RTN1: variants seen among roughly 807,000 people sequenced by gnomAD.
RTN1 encodes reticulon-1.
In RTN1, 25 loss-of-function variants were observed where a neutral mutation model predicts 65.5. The observed-to-expected ratio is 0.38, with a 90% confidence interval of 0.28 to 0.53. RTN1 has a LOEUF of 0.53. Ranked by LOEUF, RTN1 falls within the 20% of genes least tolerant of loss-of-function variation. RTN1 has a pLI of 0.79. For missense variants in RTN1, 983 were observed against 1,025.4 expected (o/e 0.96, Z 0.57); for synonymous variants, 471 against 447.6 (o/e 1.05, Z -0.66).
At position 59,825,781 on chromosome 14, in the gene RTN1, G is replaced by C. The variant is rs1407663494; in HGVS notation, c.241+44609C>G. On this transcript the variant is annotated intron_variant, in intron 1 of 8. Coordinates refer to ENST00000267484, the MANE Select transcript of RTN1 (RefSeq NM_021136.3). The surrounding 1 kb of genome is among the most constrained non-coding windows in gnomAD (Gnocchi z 4.2). ...TTAGAGAAAATAAAACATAGACCTC[G>C]GGTATGCCATAGAAACTAAATGGCA... Among the ~76,000 whole-genome samples, 4 of 152,094 alleles carry C rather than the reference G, an allele frequency of 2.6e-5. No homozygotes were observed. Among genetic ancestry groups the C allele is most frequent in the African/African-American group, 9.7e-5 (4 of 41,400 alleles).
intron 6 of RTN1, 142 bp from the exon 7 acceptor site, chr14:59,603,400 T>C: frequency 1.6e-6 from 1 of 634,296 alleles, no homozygotes; most frequent in Non-Finnish European, 2.6e-6. Context: ...TTCCCTATTT[T>C]GAGAAGCAAT....
At chr14:59,830,110 C>T (rs986812350) in intron 1 of RTN1, among the ~76,000 whole-genome samples, 1 of 152,202 alleles carries the variant, frequency 6.6e-6, no homozygotes, top group African/African-American at 2.4e-5. Context: ...GCCTTCTCCC[C>T]ATTGTTTAGC....
chr14:59,697,850 C>T (rs1884094962), intron 3 of RTN1, among the ~76,000 whole-genome samples: 3 of 152,234 alleles, frequency 2.0e-5, no homozygotes, highest in South Asian at 4.2e-4. Flanking sequence ...GGAAGTCATG[C>T]TCTTGCTGTA....
intron 1 of RTN1, among the ~76,000 whole-genome samples, chr14:59,779,982 T>A (rs1362847866): frequency 6.6e-6 from 1 of 152,178 alleles, no homozygotes; most frequent in African/African-American, 2.4e-5. Context: ...CTTGCTACAC[T>A]AAAGTTCTAC....
At chr14:59,700,668 T>C (rs978490574) in intron 3 of RTN1, among the ~76,000 whole-genome samples, 7 of 152,114 alleles carry the variant, frequency 4.6e-5, no homozygotes, top group African/African-American at 1.7e-4. Context: ...TGGATATCTA[T>C]ATGCAAAAGT....
intron 3 of RTN1, 51 bp downstream of exon 3, chr14:59,726,868 A>G (rs767687439): frequency 1.3e-6 from 2 of 1,507,022 alleles, no homozygotes; most frequent in Non-Finnish European, 1.8e-6. Flanking sequence ...GAATGCTCAG[A>G]GCACCCAGAG....
intron 1 of RTN1, among the ~76,000 whole-genome samples, chr14:59,828,524 T>C (rs1447107614): frequency 6.6e-6 from 1 of 152,128 alleles, no homozygotes; most frequent in Non-Finnish European, 1.5e-5. Flanking sequence ...GCTGGTATTA[T>C]GGGGCCCAGA....
rs1372975367 is a variant in RTN1, at chr14:59,794,302, T to A, written c.242-47821A>T. ...CCTTGAGTGTTAACAGAAACACGTC[T>A]AACCCAAGTATATTGTTAACTTATA... On this transcript the variant is annotated intron_variant, in intron 1 of 8. Transcript: ENST00000267484. The surrounding 1 kb of genome is among the most constrained non-coding windows in gnomAD (Gnocchi z 5.1). Among the ~76,000 whole-genome samples the A allele has an allele frequency of 1.3e-5, 2 of 152,186 alleles. No homozygotes were observed. Among genetic ancestry groups the A allele is most frequent in the Admixed American group, 1.3e-4 (2 of 15,272 alleles).
rs914753983 is a variant in RTN1, at chr14:59,868,864, A to G, written c.241+1526T>C. Among the ~76,000 whole-genome samples, 3 of 152,066 alleles carry G rather than the reference A, an allele frequency of 2.0e-5. No homozygotes were observed. Among genetic ancestry groups the G allele is most frequent in the Non-Finnish European group, 4.4e-5 (3 of 68,028 alleles). On this transcript the variant is annotated intron_variant, in intron 1 of 8. Coordinates refer to ENST00000267484, the MANE Select transcript of RTN1 (RefSeq NM_021136.3). This position sits in a 1 kb window ranked among gnomAD's most constrained non-coding sequence, Gnocchi z 4.0. ...ACAAAGAATGGTAAAGACAAAAACT[A>G]CCTTCCTTTGTCTATTATCATTTGC...
At chr14:59,824,846 A>G (rs563410271) in intron 1 of RTN1, among the ~76,000 whole-genome samples, 6 of 152,200 alleles carry the variant, frequency 3.9e-5, no homozygotes, top group Non-Finnish European at 8.8e-5. Flanking sequence ...TTCTCATTGG[A>G]TGAATCTTGA....
At chr14:59,600,194 T>C (rs1157909792) in intron 8 of RTN1, among the ~76,000 whole-genome samples, 2 of 152,146 alleles carry the variant, frequency 1.3e-5, no homozygotes, top group African/African-American at 4.8e-5. Flanking sequence ...GGCCCTGGTG[T>C]CTACTGGCCC....
chr14:59,791,435 T>C (rs1886347148), intron 1 of RTN1, among the ~76,000 whole-genome samples: 1 of 152,230 alleles, frequency 6.6e-6, no homozygotes, highest in Admixed American at 6.5e-5. Flanking sequence ...GCTGCTCTCC[T>C]TTCTGTGCTG....
At chr14:59,745,253 A>G (rs1885191883) in intron 2 of RTN1, among the ~76,000 whole-genome samples, 1 of 152,148 alleles carries the variant, frequency 6.6e-6, no homozygotes, top group Admixed American at 6.5e-5. Context: ...AGCTTTCAGA[A>G]CTGTTAAGAA....
chr14:59,818,148 C>T (rs1255229597), intron 1 of RTN1, among the ~76,000 whole-genome samples: 1 of 152,196 alleles, frequency 6.6e-6, no homozygotes, highest in Non-Finnish European at 1.5e-5. Context: ...TGTGTTAATT[C>T]ACTTAGGATA....
intron 1 of RTN1, among the ~76,000 whole-genome samples, chr14:59,828,245 T>G (rs1887067390): frequency 6.6e-6 from 1 of 152,268 alleles, no homozygotes; most frequent in Admixed American, 6.5e-5. Flanking sequence ...AATTAAAATA[T>G]GATCACAACT....
Position 59,784,902 on chromosome 14 carries a change from C to A in RTN1, c.242-38421G>T, listed in dbSNP as rs554560281. ...AGTGGAAGCAGGTAAACTTTTTGAA[C>A]TTGTCAAGCTATGTAGTTTCACTTT... is the stretch of plus-strand genomic sequence containing the variant. On this transcript the variant is annotated intron_variant, in intron 1 of 8. Transcript: ENST00000267484. Among the ~76,000 whole-genome samples the A allele has an allele frequency of 1.5e-3, 223 of 152,268 alleles. 1 individual carries two copies. The highest frequency in any genetic ancestry group is 3.3e-3 in the South Asian group (16 of 4,826).
At chr14:59,673,084 T>G (rs1883545547) in intron 3 of RTN1, among the ~76,000 whole-genome samples, 1 of 152,266 alleles carries the variant, frequency 6.6e-6, no homozygotes, top group Non-Finnish European at 1.5e-5. Flanking sequence ...ATTGAAATAC[T>G]TGTATAATAC....
At chr14:59,848,639 T>C (rs1459722119) in intron 1 of RTN1, among the ~76,000 whole-genome samples, 1 of 152,184 alleles carries the variant, frequency 6.6e-6, no homozygotes, top group Non-Finnish European at 1.5e-5. Flanking sequence ...GAATAGTCAT[T>C]GATTCTGTGA....
At chr14:59,675,350 A>T (rs1016109631) in intron 3 of RTN1, among the ~76,000 whole-genome samples, 2 of 151,822 alleles carry the variant, frequency 1.3e-5, no homozygotes, top group Non-Finnish European at 2.9e-5. Flanking sequence ...ATAAAGACAG[A>T]AGTCAGAATG....
Sources: allele counts gnomAD v4.1 joint callset (sites outside exome capture counted in the v4.1 genomes callset), GRCh38; gene constraint gnomAD v4.1.1; non-coding constraint Gnocchi (gnomAD v3.1); transcripts MANE v1.5; gene names NCBI Gene and HGNC (gene_info 2026-07-23, HGNC 2026-07-21).